Variants in PCDHAC1 observed in about 807,000 individuals in gnomAD.
PCDHAC1 encodes the protein protocadherin alpha-C1.
A neutral mutation model predicts 60.0 loss-of-function variants in PCDHAC1; 42 were observed. The observed-to-expected ratio is 0.70, with a 90% CI of 0.55 to 0.90. PCDHAC1 has a LOEUF of 0.90. PCDHAC1 is among the 40% of genes least tolerant of loss of function. The pLI is 0.00. For missense variants in PCDHAC1, 1,160 were observed against 1,222.3 expected (o/e 0.95, Z 0.76); for synonymous variants, 468 against 499.3 (o/e 0.94, Z 0.84).
intron 1 of PCDHAC1, among the ~76,000 whole-genome samples, chr5:140,932,571 A>G (rs1308740705): frequency 1.3e-5 from 2 of 151,926 alleles, no homozygotes; most frequent in African/African-American, 4.8e-5. Context: ...AGACTTTCCC[A>G]TAGGGTAATT....
intron 1 of PCDHAC1, among the ~76,000 whole-genome samples, chr5:140,952,192 G>A (rs572613863): frequency 1.1e-4 from 16 of 152,198 alleles, no homozygotes; most frequent in African/African-American, 3.9e-4. Flanking sequence ...TCATGGGTTG[G>A]TGTTGAATGC....
intron 3 of PCDHAC1, among the ~76,000 whole-genome samples, chr5:141,003,556 A>G (rs1183434751): frequency 6.6e-6 from 1 of 152,034 alleles, no homozygotes; most frequent in Non-Finnish European, 1.5e-5. Flanking sequence ...CAAGTGATCC[A>G]CCTGCCTCAG....
chr5:140,936,134 C>A (rs782197390), intron 1 of PCDHAC1, among the ~76,000 whole-genome samples: 1 of 152,176 alleles, frequency 6.6e-6, no homozygotes, highest in Non-Finnish European at 1.5e-5. Context: ...CTTAAGTGAT[C>A]TGCCCGCCTT....
chr5:140,967,240 C>T, intron 1 of PCDHAC1: 1 of 1,613,644 alleles, frequency 6.2e-7, no homozygotes, highest in African/African-American at 1.3e-5. Flanking sequence ...TTCAGGTAAG[C>T]GAATCGGTGG....
intron 1 of PCDHAC1, chr5:140,966,755 C>G: frequency 2.8e-6 from 4 of 1,434,520 alleles, no homozygotes; most frequent in Non-Finnish European, 1.8e-6. Flanking sequence ...GCCTCCGCCG[C>G]GGCCAGTGGC....
chr5:140,983,777 A>G (rs947937417), intron 3 of PCDHAC1, among the ~76,000 whole-genome samples: 1 of 152,256 alleles, frequency 6.6e-6, no homozygotes, highest in Non-Finnish European at 1.5e-5. Context: ...ATCTACATAC[A>G]TAACAGATGA....
chr5:140,989,010 A>G (rs2097325577), intron 3 of PCDHAC1: 1 of 152,226 alleles, frequency 6.6e-6, no homozygotes, highest in Non-Finnish European at 1.5e-5. Context: ...GAGACTTATT[A>G]TAGTTTCTTC....
chr5:140,936,016 C>G (rs1170221921), intron 1 of PCDHAC1, among the ~76,000 whole-genome samples: 1 of 151,732 alleles, frequency 6.6e-6, no homozygotes, highest in Non-Finnish European at 1.5e-5. Context: ...CCTCAGCCTC[C>G]CGAGTAGCGG....
intron 1 of PCDHAC1, among the ~76,000 whole-genome samples, chr5:140,954,134 A>G (rs1443838127): frequency 6.6e-6 from 1 of 152,194 alleles, no homozygotes; most frequent in Non-Finnish European, 1.5e-5. Flanking sequence ...TTATGGATGC[A>G]TAGTATTCCA....
chr5:140,997,831 A>G (rs938860065), intron 3 of PCDHAC1, among the ~76,000 whole-genome samples: 3 of 152,210 alleles, frequency 2.0e-5, no homozygotes, highest in African/African-American at 4.8e-5. Context: ...TTTCTAAACA[A>G]TACAATATAC....
intron 1 of PCDHAC1, among the ~76,000 whole-genome samples, chr5:140,971,214 C>T (rs1285730991): frequency 6.6e-6 from 1 of 152,172 alleles, no homozygotes; most frequent in African/African-American, 2.4e-5. Flanking sequence ...GTTACCCTCC[C>T]TCTCCTGACT....
chr5:141,000,304 G>A (rs1225893261), intron 3 of PCDHAC1, among the ~76,000 whole-genome samples: 1 of 147,530 alleles, frequency 6.8e-6, no homozygotes, highest in Non-Finnish European at 1.5e-5. Context: ...GAGGCCAGGA[G>A]TTCAAGACCA....
rs1489888830 is a variant in PCDHAC1, at chr5:140,987,480, A to G, written c.2581+4917A>G. ...TGTTAAGAGCTCAAGCTTGGGAGTC[A>G]GTGACCCTTTCTGAATTCTACCTCT... is the stretch of plus-strand genomic sequence containing the variant. On this transcript the variant is annotated intron_variant, in intron 3 of 3. Coordinates refer to ENST00000253807, the MANE Select transcript of PCDHAC1 (RefSeq NM_018898.5). Among the ~76,000 whole-genome samples, 6 of 152,310 alleles carry G rather than the reference A, an allele frequency of 3.9e-5. No homozygotes were observed. The South Asian group carries it at 1.2e-3, about 32-fold the overall frequency.
Position 140,926,837 on chromosome 5 carries a change from G to A in PCDHAC1, c.-56G>A, listed in dbSNP as rs1170899993. 11 of 1,513,410 alleles carry A rather than the reference G, an allele frequency of 7.3e-6. No individual in the cohort carries two copies. In the African/African-American group the frequency reaches 1.4e-4, roughly 19 times the overall value. 93.7% of individuals were successfully genotyped at this position (1,513,410 alleles called of 1,614,324 possible). ...GTGCTCTCCAGGAGTCCGGAGCATG[G>A]TCCTGGGTCACCGTTGGTGTAGCGT... On this transcript the variant is annotated 5_prime_UTR_variant, in exon 1 of 4. Coordinates refer to ENST00000253807, the MANE Select transcript of PCDHAC1 (RefSeq NM_018898.5).
At chr5:140,979,386 A>C (rs1374804536) in intron 2 of PCDHAC1, among the ~76,000 whole-genome samples, 1 of 152,142 alleles carries the variant, frequency 6.6e-6, no homozygotes, top group East Asian at 1.9e-4. Flanking sequence ...TGTGCAATGT[A>C]TACATACATG....
chr5:140,961,738 G>A (rs976601916), intron 1 of PCDHAC1, among the ~76,000 whole-genome samples: 2 of 152,118 alleles, frequency 1.3e-5, no homozygotes, highest in African/African-American at 4.8e-5. Flanking sequence ...AATCACTTTA[G>A]TAATATTACA....
chr5:140,949,335 C>T (rs1388078558), intron 1 of PCDHAC1, among the ~76,000 whole-genome samples: 1 of 151,586 alleles, frequency 6.6e-6, no homozygotes, highest in Non-Finnish European at 1.5e-5. Flanking sequence ...TATTGTTATC[C>T]AGATTTTCTG....
chr5:140,944,807 A>T (rs1472832230), intron 1 of PCDHAC1, among the ~76,000 whole-genome samples: 1 of 152,214 alleles, frequency 6.6e-6, no homozygotes, highest in Non-Finnish European at 1.5e-5. Context: ...TCGAGGGTCC[A>T]CAGTGATCTT....
intron 3 of PCDHAC1, among the ~76,000 whole-genome samples, chr5:141,007,395 C>CAAAAAAAAAAAAAAAA (rs35800918): frequency 3.2e-5 from 3 of 94,864 alleles, no homozygotes; most frequent in Non-Finnish European, 4.1e-5. Flanking sequence ...TACTAAAATA[C>CAAAAAAAAAAAAAAAA]AAAAAAAAAA....
Sources: gnomAD v4.1 joint callset for allele counts (sites outside exome capture counted in the v4.1 genomes callset) on GRCh38, gnomAD v4.1.1 for gene constraint, MANE v1.5 for transcripts, NCBI Gene and HGNC (gene_info 2026-07-23, HGNC 2026-07-21) for gene names.